LRRC9: variants seen among roughly 807,000 people sequenced by gnomAD.
The protein encoded by LRRC9 is leucine rich repeat containing 9, also known as leucine-rich repeat-containing protein 9.
LRRC9 carries 122 observed loss-of-function variants against 63.2 expected under a neutral mutation model. The ratio of observed to expected loss-of-function variants is 1.93; its 90% CI spans 1.67 to 2.24. The LOEUF (loss-of-function observed/expected upper bound fraction) is 2.24. LRRC9 is among the 30% of genes most tolerant of loss of function. LRRC9 has a pLI of 0.00. For missense variants in LRRC9, 1,071 were observed against 627.7 expected, an observed-to-expected ratio of 1.71 and a Z score of -7.55; for synonymous variants, 366 against 213.1, an observed-to-expected ratio of 1.72 and a Z score of -6.25.
chr14:60,040,492 T>A (rs180956812), intron 29 of LRRC9, among the ~76,000 whole-genome samples: 1,754 of 152,110 alleles, frequency 0.012, 38 homozygotes, highest in Non-Finnish European at 0.013. Flanking sequence ...TCTTGTTGAA[T>A]TGATCCCTTT....
In LRRC9 at chr14:60,003,836, GA is replaced by G. The variant is rs1250267020; in HGVS notation, c.2842+39del. The G allele has an allele frequency of 1.8e-6, 1 of 542,414 alleles. No individual in the cohort carries two copies. Among genetic ancestry groups the G allele is most frequent in the Non-Finnish European group, 3.2e-6 (1 of 307,798 alleles). 33.6% of individuals were successfully genotyped at this position (542,414 alleles called of 1,614,324 possible). A position where few individuals can be genotyped will look rare whatever the true frequency, so the allele number is the denominator to read the frequency against. On this transcript the variant is annotated intron_variant, in intron 21 of 31. Transcript: ENST00000445360. The surrounding 1 kb of genome is among the most constrained non-coding windows in gnomAD (Gnocchi z 4.2). ...AGAACTTTGAAGTCTCAAAATATGGGATGTCTAAACAACAAAGCAAAAAATA... is the reference window on the plus strand; with the variant it reads ...AGAACTTTGAAGTCTCAAAATATGGGTGTCTAAACAACAAAGCAAAAAATA...
At chr14:60,029,054 A>G (rs1242782531) in intron 28 of LRRC9, among the ~76,000 whole-genome samples, 2 of 152,164 alleles carry the variant, frequency 1.3e-5, no homozygotes, top group African/African-American at 4.8e-5. Context: ...TAATTTATAC[A>G]GATTCAAACA....
At chr14:60,046,748 C>T (rs1229034079) in intron 29 of LRRC9, among the ~76,000 whole-genome samples, 1 of 152,096 alleles carries the variant, frequency 6.6e-6, no homozygotes, top group African/African-American at 2.4e-5. Context: ...ATTGTCTTAA[C>T]TGTTTGGGCT....
At position 60,006,670 on chromosome 14, in the gene LRRC9, T is replaced by A. The variant is rs1889834862; in HGVS notation, c.3063+53T>A. 9 of 555,218 alleles carry A rather than the reference T, an allele frequency of 1.6e-5. No individual in the cohort carries two copies. The East Asian group carries it at 2.7e-4, about 17-fold the overall frequency. 34.4% of individuals were successfully genotyped at this position (555,218 alleles called of 1,614,324 possible). ...TTTTTTAACATGTATTGTTTCTTTA[T>A]ATTATGAAAGTAATGCATGTTTATT... On this transcript the variant is annotated intron_variant, in intron 22 of 31. Coordinates refer to ENST00000445360, the Ensembl canonical transcript of LRRC9.
At chr14:60,063,871 T>A (rs912492099), downstream of LRRC9, among the ~76,000 whole-genome samples, 2 of 152,318 alleles carry the variant, frequency 1.3e-5, no homozygotes, top group Admixed American at 1.3e-4. Context: ...TGAGTTTTGC[T>A]AGTTGAACTA....
chr14:59,955,715 C>A (rs1489532339), intron 8 of LRRC9, among the ~76,000 whole-genome samples: 2 of 152,038 alleles, frequency 1.3e-5, no homozygotes, highest in Non-Finnish European at 2.9e-5. Context: ...TTCTATAGTT[C>A]TCTTAATTGT....
chr14:60,050,658 T>G (rs1246676285), intron 29 of LRRC9, among the ~76,000 whole-genome samples: 3 of 152,100 alleles, frequency 2.0e-5, no homozygotes, highest in Non-Finnish European at 2.9e-5. Flanking sequence ...CACTCTGGCT[T>G]TTTGTGTTTT....
rs1260746207 is a variant in LRRC9, at chr14:59,942,917, T to C, written c.727-1672T>C. On this transcript the variant is annotated intron_variant, in intron 7 of 31. Coordinates refer to ENST00000445360, the Ensembl canonical transcript of LRRC9. This position sits in a 1 kb window ranked among gnomAD's most constrained non-coding sequence, Gnocchi z 5.3. ...ACCTATTGGCCATTTGTATGGTCTG[T>C]TGAGAAATGTCTATGCAGTTCCTTT... Among the ~76,000 whole-genome samples, 2 of 152,154 alleles carry C rather than the reference T, an allele frequency of 1.3e-5. No homozygotes were observed. The highest frequency in any genetic ancestry group is 2.9e-5 in the Non-Finnish European group (2 of 68,022).
At chr14:60,023,427 G>A (rs1891269359) in intron 27 of LRRC9, among the ~76,000 whole-genome samples, 3 of 151,938 alleles carry the variant, frequency 2.0e-5, no homozygotes, top group Admixed American at 2.0e-4. Flanking sequence ...GCATTACTGA[G>A]TGCTTTGCAA....
intron 1 of LRRC9, among the ~76,000 whole-genome samples, chr14:59,926,098 CAATT>C (rs2139753347): frequency 6.6e-6 from 1 of 152,254 alleles, no homozygotes; most frequent in East Asian, 1.9e-4. Context: ...AACTGTGAGT[CAATT>C]AAACCTCTTT....
At chr14:60,028,222 C>CT in intron 28 of LRRC9, 121 bp downstream of exon 28, 4 of 584,432 alleles carry the variant, frequency 6.8e-6, no homozygotes, top group Admixed American at 3.1e-5. Flanking sequence ...ACCTATATAC[C>CT]ATCTATATTT....
rs970843157 is a variant in LRRC9 at position 60,061,200 on chromosome 14, A to G, written c.4277-2123A>G. On this transcript the variant is annotated intron_variant, in intron 31 of 31. Transcript: ENST00000445360. ...GACTGACTCCAATTTTGAAAGAACT[A>G]CTGTGGGGAAAGTGCTATCAAACAT... 1.1e-4 allele frequency among the ~76,000 whole-genome samples: 17 copies of G among 152,230 alleles called. 1 individual carries two copies. The highest frequency in any genetic ancestry group is 1.1e-3 in the Admixed American group (17 of 15,276).
chr14:59,962,616 T>C lies in LRRC9; in HGVS notation c.1211+1571T>C, dbSNP rs183972142. ...CGGGGTTTTGCCATGTTGGCCAGGC[T>C]GGTCTCAAACTCCTGGCCTCAAGTG... On this transcript the variant is annotated intron_variant, in intron 10 of 31. Transcript: ENST00000445360. The surrounding 1 kb of genome is among the most constrained non-coding windows in gnomAD (Gnocchi z 5.1). Among the ~76,000 whole-genome samples the C allele has an allele frequency of 5.6e-3, 855 of 152,272 alleles. 5 individuals carry two copies. Among genetic ancestry groups the C allele is most frequent in the Middle Eastern group, 0.014 (4 of 294 alleles).
At chr14:60,016,763 A>G in exon 24 of LRRC9, 1 of 698,302 alleles carries the variant, frequency 1.4e-6, no homozygotes, top group Non-Finnish European at 2.6e-6. Flanking sequence ...CAAATGCAAG[A>G]ACTAAATTGG....
chr14:59,958,116 C>T lies in LRRC9; in HGVS notation c.883-1702C>T, dbSNP rs1883968756. 6.6e-6 allele frequency among the ~76,000 whole-genome samples: 1 copy of T among 152,242 alleles called. No individual in the cohort carries two copies. The highest frequency in any genetic ancestry group is 2.4e-5 in the African/African-American group (1 of 41,468). On this transcript the variant is annotated intron_variant, in intron 8 of 31. Coordinates refer to ENST00000445360, the Ensembl canonical transcript of LRRC9. This position sits in a 1 kb window ranked among gnomAD's most constrained non-coding sequence, Gnocchi z 4.0. ...AGGAGGCACGGGGGTCAGGAACCCA[C>T]TTGAGCAGGCAGTCTGTCCCTTAGC...
At chr14:59,989,778 A>G (rs1887859240) in intron 17 of LRRC9, among the ~76,000 whole-genome samples, 1 of 152,118 alleles carries the variant, frequency 6.6e-6, no homozygotes, top group Non-Finnish European at 1.5e-5. Context: ...GTTTTTCTTA[A>G]CTTTTAAAAT....
intron 8 of LRRC9, among the ~76,000 whole-genome samples, chr14:59,945,493 A>G (rs1882271386): frequency 6.6e-6 from 1 of 152,022 alleles, no homozygotes; most frequent in Non-Finnish European, 1.5e-5. Flanking sequence ...AAAAATGAAA[A>G]CATGAAAAAT....
In LRRC9 at chr14:59,967,121, CT is replaced by C. The variant is rs1340104206; in HGVS notation, c.1420del (p.Tyr474MetfsTer9). ...GAGCTACCGAAGGATGCTGGAATGC[CT>C]TTTTTATGTTTTTGATCCTGAAGTT... On this transcript the variant is annotated frameshift_variant, in exon 12 of 32. Transcript: ENST00000445360. LOFTEE classifies it high-confidence loss of function. 9 of 645,418 alleles carry C rather than the reference CT, an allele frequency of 1.4e-5. No individual in the cohort carries two copies. The highest frequency in any genetic ancestry group is 3.4e-5 in the South Asian group (2 of 59,628). The allele number at this position is 645,418 out of a possible 1,614,324, so 40.0% of individuals were successfully genotyped here.
intron 8 of LRRC9, among the ~76,000 whole-genome samples, chr14:59,946,822 C>T (rs1882477204): frequency 1.4e-5 from 2 of 142,664 alleles, no homozygotes; most frequent in Admixed American, 1.4e-4. Context: ...CATGTCCCTA[C>T]AAAGGACATG....
Sources: gnomAD v4.1 joint callset for allele counts (sites outside exome capture counted in the v4.1 genomes callset) on GRCh38, gnomAD v4.1.1 for gene constraint, Gnocchi (gnomAD v3.1) non-coding constraint, MANE v1.5 for transcripts, NCBI Gene and HGNC (gene_info 2026-07-23, HGNC 2026-07-21) for gene names.